EP300: variants seen among roughly 807,000 people sequenced by gnomAD.
The protein encoded by EP300 is histone acetyltransferase p300.
A neutral mutation model predicts 264.0 loss-of-function variants in EP300; 31 were observed. The ratio of observed to expected loss-of-function variants is 0.12; its 90% CI spans 0.09 to 0.16. The LOEUF (loss-of-function observed/expected upper bound fraction) is 0.16. Among genes scored for constraint, EP300 ranks in the 10% least tolerant of loss-of-function variants. EP300 has a pLI of 1.00. For synonymous variants in EP300, 1,340 were observed against 1,045.4 expected, an observed-to-expected ratio of 1.28 and a Z score of -5.44; for missense variants, 2,766 against 3,052.9, an observed-to-expected ratio of 0.91 and a Z score of 2.21.
intron 3 of EP300, among the ~76,000 whole-genome samples, chr22:41,127,123 C>T (rs989226370): frequency 6.6e-6 from 1 of 152,088 alleles, no homozygotes; most frequent in African/African-American, 2.4e-5. Flanking sequence ...ACCCGAAAGA[C>T]CCCTCTGCTG....
chr22:41,131,753 A>G, intron 6 of EP300, 120 bp downstream of exon 6: 1 of 1,475,508 alleles, frequency 6.8e-7, no homozygotes, highest in East Asian at 2.3e-5. Context: ...GTAATTTTTT[A>G]AAGATTACAG....
chr22:41,124,856 C>T (rs916632413), intron 2 of EP300, among the ~76,000 whole-genome samples: 1 of 152,066 alleles, frequency 6.6e-6, no homozygotes, highest in African/African-American at 2.4e-5. Context: ...GTACATTTAC[C>T]ATACCCAAGG....
At chr22:41,152,181 T>C in intron 15 of EP300, 25 bp from the exon 16 acceptor site, 1 of 1,612,982 alleles carries the variant, frequency 6.2e-7, no homozygotes, top group Non-Finnish European at 8.5e-7. Context: ...TTTGGAATAC[T>C]AAAAATTCTT....
At chr22:41,140,868 C>A (rs2058978277) in intron 9 of EP300, among the ~76,000 whole-genome samples, 180 bp from the exon 10 acceptor site, 1 of 152,206 alleles carries the variant, frequency 6.6e-6, no homozygotes, top group African/African-American at 2.4e-5. Context: ...AGCGACTTAA[C>A]TGTTGTTCAC....
chr22:41,148,363 AG>A (rs2059024418), intron 12 of EP300, among the ~76,000 whole-genome samples: 1 of 152,182 alleles, frequency 6.6e-6, no homozygotes, highest in Admixed American at 6.5e-5. Context: ...CTTTAGAGTT[AG>A]CTGGTGCCTC....
At chr22:41,158,625 A>G (rs943820775) in intron 19 of EP300, 125 bp downstream of exon 19, 3 of 781,668 alleles carry the variant, frequency 3.8e-6, no homozygotes, top group East Asian at 2.7e-5. Context: ...TGTATAGCAC[A>G]AGTTCTGTTT....
chr22:41,138,354 G>A (rs375027832), intron 8 of EP300, among the ~76,000 whole-genome samples: 1 of 152,098 alleles, frequency 6.6e-6, no homozygotes, highest in African/African-American at 2.4e-5. Context: ...AGTAGAGACG[G>A]GGTTTCACTG....
At chr22:41,098,447 C>T (rs2058713920) in intron 1 of EP300, among the ~76,000 whole-genome samples, 1 of 152,170 alleles carries the variant, frequency 6.6e-6, no homozygotes, top group Admixed American at 6.5e-5. Context: ...TCTCGGGTCA[C>T]TGCAAGCTCC....
At chr22:41,144,946 G>T (rs1443266906) in intron 10 of EP300, among the ~76,000 whole-genome samples, 3 of 151,880 alleles carry the variant, frequency 2.0e-5, no homozygotes, top group Non-Finnish European at 4.4e-5. Flanking sequence ...TTCTCCTACA[G>T]TGACACCTGT....
intron 29 of EP300, among the ~76,000 whole-genome samples, chr22:41,174,017 G>A (rs1366732366): frequency 6.6e-6 from 1 of 152,192 alleles, no homozygotes; most frequent in Non-Finnish European, 1.5e-5. Context: ...GGCTGAGGCA[G>A]GAGAATTGCT....
chr22:41,123,108 A>G (rs1279319675), intron 2 of EP300, among the ~76,000 whole-genome samples: 2 of 152,216 alleles, frequency 1.3e-5, no homozygotes, highest in East Asian at 1.9e-4. Context: ...TCACAGAGGT[A>G]GTAACATTTG....
intron 1 of EP300, among the ~76,000 whole-genome samples, chr22:41,108,403 C>G (rs1330932460): frequency 6.6e-6 from 1 of 151,900 alleles, no homozygotes; most frequent in Non-Finnish European, 1.5e-5. Flanking sequence ...TGTGCACCAC[C>G]ATGCCTGGCT....
At chr22:41,121,460 T>A (rs1257521416) in intron 2 of EP300, among the ~76,000 whole-genome samples, 1 of 152,198 alleles carries the variant, frequency 6.6e-6, no homozygotes, top group Non-Finnish European at 1.5e-5. Flanking sequence ...TATTTTCTAA[T>A]TCCTCAGCAG....
intron 17 of EP300, among the ~76,000 whole-genome samples, chr22:41,156,301 C>T (rs1220491635): frequency 1.3e-5 from 2 of 152,184 alleles, no homozygotes; most frequent in African/African-American, 4.8e-5. Context: ...GCGTGAGCCA[C>T]CGCACCCGGC....
At chr22:41,129,379 C>CG (rs1453416745) in intron 4 of EP300, among the ~76,000 whole-genome samples, 1 of 152,164 alleles carries the variant, frequency 6.6e-6, no homozygotes, top group Non-Finnish European at 1.5e-5. Context: ...TAAAGGTCTT[C>CG]CCATGTGGTG....
rs897501495 is a variant in EP300 at position 41,137,705 on chromosome 22, G to A, written c.1675G>A (p.Ala559Thr). ...GCCCTCCCTGGGTCCTATGCCAACA[G>A]CAGCTCAACCATCCACTACTGGAAT... is the stretch of plus-strand genomic sequence containing the variant. ...SVPSLGPMPT[A>T]AQPSTTGIRK... Residue 559 changes from alanine (A) to threonine (T), a missense_variant, in exon 8 of 31, where the codon GCA becomes ACA. Ala to Thr is a moderately conservative substitution (Grantham distance 58, BLOSUM62 0). Coordinates refer to ENST00000263253, the MANE Select transcript of EP300 (RefSeq NM_001429.4). The A allele has an allele frequency of 3.7e-6, 6 of 1,614,050 alleles. No individual in the cohort carries two copies. In the South Asian group the frequency reaches 6.6e-5, roughly 18 times the overall value.
chr22:41,164,210 CTG>C (rs2059123027), intron 22 of EP300, 80 bp downstream of exon 22: 2 of 1,226,890 alleles, frequency 1.6e-6, no homozygotes, highest in South Asian at 1.2e-5. Flanking sequence ...ATGCAATTGA[CTG>C]TATTATATCT....
rs931278856 is a variant in EP300, at chr22:41,098,486, C to T, written c.94+5388C>T. 2.6e-4 allele frequency among the ~76,000 whole-genome samples: 40 copies of T among 152,190 alleles called. 1 individual carries two copies. The highest frequency in any genetic ancestry group is 1.6e-4 in the Non-Finnish European group (11 of 67,982). ...TCCCGGGTTCAAGCCATTCTCCTGC[C>T]TCAGCCTCCCGAGTAGCTGGGACTA... On this transcript the variant is annotated intron_variant, in intron 1 of 30. Coordinates refer to ENST00000263253, the MANE Select transcript of EP300 (RefSeq NM_001429.4).
intron 1 of EP300, among the ~76,000 whole-genome samples, chr22:41,106,483 A>G (rs1006437933): frequency 6.6e-6 from 1 of 151,968 alleles, no homozygotes; most frequent in African/African-American, 2.4e-5. Context: ...TGTTTATTTC[A>G]ATTGCTGAAC....
Sources: gnomAD v4.1 joint callset for allele counts (sites outside exome capture counted in the v4.1 genomes callset) on GRCh38, gnomAD v4.1.1 for gene constraint, MANE v1.5 for transcripts, NCBI Gene and HGNC (gene_info 2026-07-23, HGNC 2026-07-21) for gene names.